CADM2: variants seen among roughly 807,000 people sequenced by gnomAD.
The protein encoded by CADM2 is immunoglobulin superfamily member 4D.
In CADM2, 12 loss-of-function variants were observed where a neutral mutation model predicts 49.8. The observed-to-expected ratio is 0.24, with a 90% CI of 0.15 to 0.39. The LOEUF (loss-of-function observed/expected upper bound fraction) is 0.39. Among genes scored for constraint, CADM2 ranks in the 10% least tolerant of loss-of-function variants. The pLI is 1.00. For missense variants in CADM2, 378 were observed against 492.3 expected (o/e 0.77, Z 2.20); for synonymous variants, 214 against 175.4 (o/e 1.22, Z -1.74).
intron 2 of CADM2, among the ~76,000 whole-genome samples, chr3:85,783,003 T>G (rs1215605038): frequency 6.6e-6 from 1 of 152,178 alleles, no homozygotes; most frequent in Non-Finnish European, 1.5e-5. Flanking sequence ...GTTATTTTTG[T>G]CTTAGAAATT....
intron 1 of CADM2, among the ~76,000 whole-genome samples, chr3:85,129,393 G>C (rs942922119): frequency 6.6e-6 from 1 of 151,758 alleles, no homozygotes; most frequent in Non-Finnish European, 1.5e-5. Context: ...TATTTCTTTT[G>C]TGTAGGCAAT....
intron 1 of CADM2, among the ~76,000 whole-genome samples, chr3:85,391,023 A>T (rs1349658346): frequency 1.3e-5 from 2 of 152,004 alleles, no homozygotes; most frequent in Non-Finnish European, 2.9e-5. Context: ...AATCTGGTTT[A>T]ATTTGTTTTA....
chr3:85,252,501 T>A (rs138184359), intron 1 of CADM2, among the ~76,000 whole-genome samples: 1 of 152,150 alleles, frequency 6.6e-6, no homozygotes, highest in African/African-American at 2.4e-5. Context: ...CAAAACTTAC[T>A]GTATGATAAC....
At chr3:85,694,754 C>T (rs967877975) in intron 1 of CADM2, among the ~76,000 whole-genome samples, 4 of 152,058 alleles carry the variant, frequency 2.6e-5, no homozygotes, top group Non-Finnish European at 5.9e-5. Flanking sequence ...TTCACTGAGT[C>T]AATGGAGTGC....
intron 1 of CADM2, among the ~76,000 whole-genome samples, chr3:85,381,202 C>T (rs956776040): frequency 2.6e-5 from 4 of 151,750 alleles, no homozygotes; most frequent in Admixed American, 6.6e-5. Context: ...AGCTGATTTC[C>T]GTAGTAACAC....
At position 86,071,023 on chromosome 3, in the gene CADM2, A is replaced by T. The variant is rs539568010; in HGVS notation, c.*4240A>T. 49 of 152,096 alleles carry T rather than the reference A, an allele frequency of 3.2e-4. No individual in the cohort carries two copies. Among genetic ancestry groups the T allele is most frequent in the Non-Finnish European group, 5.2e-4 (35 of 67,842 alleles). 9.4% of individuals were successfully genotyped at this position (152,096 alleles called of 1,614,324 possible). ...ATCTTCACCTCTCACATACTAAAGC[A>T]TTCATTAAAAATACAACTAATTCAA... On this transcript the variant is annotated 3_prime_UTR_variant, in exon 10 of 10. Transcript: ENST00000383699.
chr3:86,000,902 T>G (rs1424786424), intron 8 of CADM2, among the ~76,000 whole-genome samples: 1 of 152,070 alleles, frequency 6.6e-6, no homozygotes, highest in Non-Finnish European at 1.5e-5. Context: ...TTTAATAAAA[T>G]AGAAACATAG....
rs368827542 is a variant in CADM2 at position 85,568,463 on chromosome 3, CTCTT to C, written c.62-158055_62-158052del. 8.2e-3 allele frequency among the ~76,000 whole-genome samples: 108 copies of C among 13,168 alleles called. 5 individuals are homozygous for C. The highest frequency in any genetic ancestry group is 0.012 in the African/African-American group (96 of 7,730). The allele number at this position is 13,168 out of a possible 152,430, so 8.6% of individuals were successfully genotyped here. A position where few individuals can be genotyped will look rare whatever the true frequency, so the allele number is the denominator to read the frequency against. ...TCTTTCTTTCTTTCTTTCTTTCTTT[CTCTT>C]TCTCTCTCTTTCTTTCTTTCTTTCT... On this transcript the variant is annotated intron_variant, in intron 1 of 9. Coordinates refer to ENST00000383699, the MANE Select transcript of CADM2 (RefSeq NM_001167675.2).
intron 2 of CADM2, among the ~76,000 whole-genome samples, chr3:85,762,520 C>A (rs1214750170): frequency 6.6e-6 from 1 of 151,862 alleles, no homozygotes. Flanking sequence ...TTACCTACAC[C>A]TCCAGTTCCC....
chr3:85,877,426 A>T (rs1306255654), intron 3 of CADM2, among the ~76,000 whole-genome samples: 1 of 152,086 alleles, frequency 6.6e-6, no homozygotes, highest in African/African-American at 2.4e-5. Context: ...ACAATATTAC[A>T]ATTCTTTATT....
Position 85,527,416 on chromosome 3 carries a change from C to A in CADM2, c.62-199106C>A, listed in dbSNP as rs1030372702. 2.0e-5 allele frequency among the ~76,000 whole-genome samples: 3 copies of A among 147,196 alleles called. No homozygotes were observed. The Admixed American group carries it at 2.1e-4, about 10-fold the overall frequency. ...CTCCAAAACAAAGAAAGAAAAAATT[C>A]TGTGGAGTCTGTAGTTATGTACTAT... On this transcript the variant is annotated intron_variant, in intron 1 of 9. Coordinates refer to ENST00000383699, the MANE Select transcript of CADM2 (RefSeq NM_001167675.2).
chr3:85,368,755 G>T (rs1211515387), intron 1 of CADM2, among the ~76,000 whole-genome samples: 1 of 151,882 alleles, frequency 6.6e-6, no homozygotes, highest in African/African-American at 2.4e-5. Flanking sequence ...CTATTTTTGT[G>T]TAACATTTAA....
At chr3:85,361,740 A>T (rs1231838883) in intron 1 of CADM2, among the ~76,000 whole-genome samples, 2 of 152,114 alleles carry the variant, frequency 1.3e-5, no homozygotes, top group African/African-American at 4.8e-5. Context: ...GAAAATCGAG[A>T]CCAGTCCACT....
intron 1 of CADM2, among the ~76,000 whole-genome samples, chr3:85,433,504 C>T (rs1328276314): frequency 6.6e-6 from 1 of 151,994 alleles, no homozygotes; most frequent in Non-Finnish European, 1.5e-5. Flanking sequence ...CTTGTGACTA[C>T]CCGCCTGGAA....
chr3:85,758,284 T>A (rs1432549614), intron 2 of CADM2, among the ~76,000 whole-genome samples: 1 of 152,062 alleles, frequency 6.6e-6, no homozygotes, highest in Non-Finnish European at 1.5e-5. Context: ...GCATTGGACA[T>A]CTAGATGGCA....
chr3:85,298,408 A>G (rs1356839643), intron 1 of CADM2, among the ~76,000 whole-genome samples: 1 of 152,014 alleles, frequency 6.6e-6, no homozygotes, highest in Non-Finnish European at 1.5e-5. Flanking sequence ...GCACTGATGC[A>G]GTTGAGGATA....
chr3:85,243,099 T>A (rs1454029826), intron 1 of CADM2, among the ~76,000 whole-genome samples: 4 of 151,842 alleles, frequency 2.6e-5, no homozygotes, highest in African/African-American at 9.7e-5. Flanking sequence ...CAAATGAGAA[T>A]GTAATTAAAG....
intron 1 of CADM2, among the ~76,000 whole-genome samples, chr3:85,361,294 C>T (rs2107279872): frequency 6.6e-6 from 1 of 152,216 alleles, no homozygotes; most frequent in Non-Finnish European, 1.5e-5. Context: ...ACAAAGGAAA[C>T]ATATTTCACT....
intron 1 of CADM2, among the ~76,000 whole-genome samples, chr3:85,610,636 G>C (rs762897443): frequency 1.3e-5 from 2 of 151,900 alleles, no homozygotes; most frequent in Non-Finnish European, 2.9e-5. Flanking sequence ...ATAGTAAGAA[G>C]TATAATTGAG....
Sources: allele counts gnomAD v4.1 joint callset (sites outside exome capture counted in the v4.1 genomes callset), GRCh38; gene constraint gnomAD v4.1.1; transcripts MANE v1.5; gene names NCBI Gene and HGNC (gene_info 2026-07-23, HGNC 2026-07-21).